COL4A1: variants seen among roughly 807,000 people sequenced by gnomAD.
COL4A1 encodes the protein collagen type IV alpha 1 chain.
COL4A1 carries 40 observed loss-of-function variants against 216.6 expected under a neutral mutation model. The ratio of observed to expected loss-of-function variants is 0.18; its 90% CI spans 0.14 to 0.24. The LOEUF (loss-of-function observed/expected upper bound fraction) is 0.24, where lower values mean the gene tolerates loss of function less well. COL4A1 is among the 10% of genes least tolerant of loss of function. COL4A1 has a pLI of 1.00. For missense variants in COL4A1, 1,628 were observed against 2,196.8 expected (o/e 0.74, Z 5.18); for synonymous variants, 839 against 810.7 (o/e 1.03, Z -0.59).
chr13:110,162,438 T>G lies in COL4A1; in HGVS notation c.4254A>C (p.Pro1418=). 6.2e-7 allele frequency: 1 copy of G among 1,613,724 alleles called. No individual in the cohort carries two copies. The highest frequency in any genetic ancestry group is 2.2e-5 in the East Asian group (1 of 44,882). Residue 1418 remains proline, a synonymous_variant, in exon 48 of 52, where the codon CCA becomes CCC. Coordinates refer to ENST00000375820, the MANE Select transcript of COL4A1 (RefSeq NM_001845.6). ...GEMGPAGPTG[P]RGFPGPPGPD... ...GGCCTGGTGGACCTGGAAATCCTCT[T>G]GGACCTGGAAGATAGGAGACAAATT...
At chr13:110,304,531 G>A (rs891152279) in intron 1 of COL4A1, among the ~76,000 whole-genome samples, 1 of 152,214 alleles carries the variant, frequency 6.6e-6, no homozygotes, top group African/African-American at 2.4e-5. Flanking sequence ...GTGACTAAGA[G>A]TAGAGGGTGC....
chr13:110,176,413 A>G lies in COL4A1; in HGVS notation c.3058+11T>C. 2 of 1,594,420 alleles carry G rather than the reference A, an allele frequency of 1.3e-6. No homozygotes were observed. On this transcript the variant is annotated intron_variant, in intron 36 of 51. Transcript: ENST00000375820. ...CACATGCTAAAGAATCCTCTTCTAA[A>G]TCCAGTTTACCTGGCAAGCCCATTC...
Position 110,205,218 on chromosome 13 carries a change from G to A in COL4A1, c.957+135C>T, listed in dbSNP as rs1336334952. 14 of 991,150 alleles carry A rather than the reference G, an allele frequency of 1.4e-5. No homozygotes were observed. The East Asian group carries it at 3.3e-4, about 23-fold the overall frequency. 61.4% of individuals were successfully genotyped at this position (991,150 alleles called of 1,614,324 possible). On this transcript the variant is annotated intron_variant, in intron 17 of 51. Transcript: ENST00000375820. ...TGAACATAAAGGAAACCACTAAATT[G>A]TGTTTTTACCCAGAAGAAGCATAAA...
Position 110,173,889 on chromosome 13 carries a change from T to A in COL4A1, c.3505+11A>T. ...GCTGATTCTGATAGGGAATGGGGCG[T>A]TGGGCCATACCTGGTTCACCCTTCT... is the stretch of plus-strand genomic sequence containing the variant. On this transcript the variant is annotated intron_variant, in intron 40 of 51. Coordinates refer to ENST00000375820, the MANE Select transcript of COL4A1 (RefSeq NM_001845.6). 1 of 1,614,092 alleles carries A rather than the reference T, an allele frequency of 6.2e-7. No individual in the cohort carries two copies. The highest frequency in any genetic ancestry group is 8.5e-7 in the Non-Finnish European group (1 of 1,179,988).
chr13:110,149,022 G>A lies in COL4A1; in HGVS notation c.*1341C>T, dbSNP rs900173832. 1.4e-4 allele frequency: 21 copies of A among 152,972 alleles called. No individual in the cohort carries two copies. The highest frequency in any genetic ancestry group is 4.1e-4 in the South Asian group (2 of 4,834). The allele number at this position is 152,972 out of a possible 1,614,324, so 9.5% of individuals were successfully genotyped here. On this transcript the variant is annotated 3_prime_UTR_variant, in exon 52 of 52. Transcript: ENST00000375820. ...TTGTGCAGTAAGTTTCTTTTAATGC[G>A]TCTGTGGCAATACTAGCAACAAATT...
chr13:110,237,789 T>C (rs1366235542), intron 2 of COL4A1, among the ~76,000 whole-genome samples: 1 of 152,172 alleles, frequency 6.6e-6, no homozygotes, highest in African/African-American at 2.4e-5. Context: ...TATACAAAGG[T>C]GTGACATGGA....
At chr13:110,243,758 A>C (rs1346841497) in intron 1 of COL4A1, among the ~76,000 whole-genome samples, 1 of 152,258 alleles carries the variant, frequency 6.6e-6, no homozygotes, top group African/African-American at 2.4e-5. Context: ...CGATCATCTT[A>C]TTTAATGATC....
chr13:110,295,482 A>G (rs1399250512), intron 1 of COL4A1, among the ~76,000 whole-genome samples: 5 of 138,574 alleles, frequency 3.6e-5, no homozygotes, highest in Non-Finnish European at 7.5e-5. Context: ...CTGAAGTGCA[A>G]TGGCACTATC....
At chr13:110,257,209 CAT>C (rs1882616347) in intron 1 of COL4A1, among the ~76,000 whole-genome samples, 1 of 152,120 alleles carries the variant, frequency 6.6e-6, no homozygotes, top group Non-Finnish European at 1.5e-5. Context: ...AAAACTCAAA[CAT>C]AATGTAAATA....
chr13:110,246,967 A>C (rs1881843854), intron 1 of COL4A1, among the ~76,000 whole-genome samples: 1 of 152,156 alleles, frequency 6.6e-6, no homozygotes, highest in African/African-American at 2.4e-5. Flanking sequence ...TCTCAAAGGA[A>C]AGAAAGGCGG....
chr13:110,186,369 G>C lies in COL4A1; in HGVS notation c.1897+16C>G. 1.2e-6 allele frequency: 2 copies of C among 1,612,630 alleles called. No individual in the cohort carries two copies. The highest frequency in any genetic ancestry group is 1.7e-6 in the Non-Finnish European group (2 of 1,179,996). ...TTTACAACTTCATGCTGCATCACGA[G>C]TTTCTCAGGCCTCACCTGGCAGGCC... On this transcript the variant is annotated intron_variant, in intron 26 of 51. Transcript: ENST00000375820.
In COL4A1 at chr13:110,211,091, AG is replaced by A. The variant is rs1238860256; in HGVS notation, c.468+555del. ...TGTTCTGAATCACAGGAGCGAGCAC[AG>A]GGACTCTCACCTTCATCCAGGTAAG... On this transcript the variant is annotated intron_variant, in intron 8 of 51. Transcript: ENST00000375820. The surrounding 1 kb of genome is among the most constrained non-coding windows in gnomAD (Gnocchi z 4.3). Among the ~76,000 whole-genome samples, 3 of 152,188 alleles carry A rather than the reference AG, an allele frequency of 2.0e-5. No homozygotes were observed. The East Asian group carries it at 5.8e-4, about 29-fold the overall frequency.
intron 1 of COL4A1, among the ~76,000 whole-genome samples, chr13:110,282,651 C>T (rs1211023137): frequency 6.6e-6 from 1 of 152,202 alleles, no homozygotes; most frequent in Non-Finnish European, 1.5e-5. Context: ...ACTGTGTGTC[C>T]TACCCTGGGA....
In COL4A1 at chr13:110,149,374, T is replaced by TA. The variant is rs1335000496; in HGVS notation, c.*988dup. The stretch of plus-strand genomic sequence containing the variant: ...GGAATACTAATGAAATGACGGCCTT[T>TA]AAGGTTGTTGCTTTTGAAGTCAAGT... On this transcript the variant is annotated 3_prime_UTR_variant, in exon 52 of 52. Coordinates refer to ENST00000375820, the MANE Select transcript of COL4A1 (RefSeq NM_001845.6). 6.5e-6 allele frequency: 1 copy of TA among 154,662 alleles called. No individual in the cohort carries two copies. The highest frequency in any genetic ancestry group is 2.4e-5 in the African/African-American group (1 of 41,514). 9.6% of individuals were successfully genotyped at this position (154,662 alleles called of 1,614,324 possible).
At chr13:110,215,029 C>A (rs963322075) in intron 2 of COL4A1, among the ~76,000 whole-genome samples, 2 of 152,132 alleles carry the variant, frequency 1.3e-5, no homozygotes, top group East Asian at 3.9e-4. Flanking sequence ...TAACAAATAG[C>A]GAGGTGTTTT....
intron 1 of COL4A1, among the ~76,000 whole-genome samples, chr13:110,296,470 A>G (rs1314207975): frequency 6.6e-6 from 1 of 152,264 alleles, no homozygotes; most frequent in Non-Finnish European, 1.5e-5. Flanking sequence ...TAGTATAATC[A>G]CGAAATCAAT....
At chr13:110,161,482 C>T in intron 48 of COL4A1, 113 bp from the exon 49 acceptor site, 1 of 1,239,348 alleles carries the variant, frequency 8.1e-7, no homozygotes, top group Non-Finnish European at 1.1e-6. Flanking sequence ...AACATAATCA[C>T]TGAAATGGAA....
intron 4 of COL4A1, 59 bp downstream of exon 4, chr13:110,213,723 C>A: frequency 6.4e-7 from 1 of 1,560,440 alleles, no homozygotes; most frequent in South Asian, 1.1e-5. Context: ...GTGCCCGGCT[C>A]TGGAAGCGGG....
chr13:110,250,136 C>T (rs1001495051), intron 1 of COL4A1, among the ~76,000 whole-genome samples: 1 of 150,770 alleles, frequency 6.6e-6, no homozygotes, highest in African/African-American at 2.4e-5. Flanking sequence ...ACAGTCCCTA[C>T]TACTGTTTAG....
Sources: gnomAD v4.1 joint callset for allele counts (sites outside exome capture counted in the v4.1 genomes callset) on GRCh38, gnomAD v4.1.1 for gene constraint, Gnocchi (gnomAD v3.1) non-coding constraint, MANE v1.5 for transcripts, NCBI Gene and HGNC (gene_info 2026-07-23, HGNC 2026-07-21) for gene names.